CCDC17: variants seen among roughly 807,000 people sequenced by gnomAD.
The protein encoded by CCDC17 is coiled-coil domain-containing protein 17.
CCDC17 carries 79 observed loss-of-function variants against 68.0 expected under a neutral mutation model. The observed-to-expected ratio is 1.16, with a 90% CI of 0.97 to 1.40. CCDC17 has a LOEUF of 1.40. CCDC17 is among the 40% of genes most tolerant of loss of function. The pLI, the probability that CCDC17 is intolerant of heterozygous loss-of-function variation, is 0.00. For synonymous variants in CCDC17, 376 were observed against 337.5 expected (o/e 1.11, Z -1.25); for missense variants, 846 against 811.5 (o/e 1.04, Z -0.52).
At chr1:45,622,511 A>G (rs1466727747) in intron 6 of CCDC17, 38 bp downstream of exon 6, 3 of 1,542,088 alleles carry the variant, frequency 1.9e-6, no homozygotes, top group Non-Finnish European at 2.6e-6. Flanking sequence ...TTCTCCTCCC[A>G]GGACTGACCA....
chr1:45,623,195 C>A (rs1451840810), intron 3 of CCDC17, 22 bp downstream of exon 3: 2 of 1,541,374 alleles, frequency 1.3e-6, no homozygotes, highest in Non-Finnish European at 1.8e-6. Flanking sequence ...GGTCCTTGGT[C>A]CCCGTCCCCC....
rs1557680546 is a variant in CCDC17 at position 45,623,021 on chromosome 1, G to GC, written c.589dup (p.Ala197GlyfsTer106). The GC allele has an allele frequency of 6.2e-7, 1 of 1,612,848 alleles. No homozygotes were observed. Among genetic ancestry groups the GC allele is most frequent in the Non-Finnish European group, 8.5e-7 (1 of 1,179,410 alleles). On this transcript the variant is annotated frameshift_variant, in exon 4 of 13. Transcript: ENST00000528266. LOFTEE classifies it high-confidence loss of function. Reference sequence around the variant, plus strand: ...CTCTAGAGCTCCCCGCGTCCTCCCGGCCTCAGCTTGTAGTTCTCGAATCTC... The same window carrying GC: ...CTCTAGAGCTCCCCGCGTCCTCCCGGCCCTCAGCTTGTAGTTCTCGAATCTC...
In CCDC17 at chr1:45,621,364, G is replaced by A. The variant is rs751795710; in HGVS notation, c.1305C>T (p.Pro435=). 1 of 1,590,670 alleles carries A rather than the reference G, an allele frequency of 6.3e-7. No individual in the cohort carries two copies. The highest frequency in any genetic ancestry group is 1.1e-5 in the South Asian group (1 of 87,262). The change falls in exon 10 of 13, where the codon CCC becomes CCT. Residue 435 remains proline (P), a synonymous_variant. Coordinates refer to ENST00000528266, the MANE Select transcript of CCDC17 (RefSeq NM_001114938.3). ...GRDTGRTTAL[P]PALCLPPPPA... is the part of the protein sequence containing the mutation. ...GAGGTGGGGGCAGGCAAAGGGCTGG[G>A]GGCAACGCTGTGGTCCTTCCTGTAT... is the stretch of plus-strand genomic sequence containing the variant.
At position 45,623,273 on chromosome 1, in the gene CCDC17, G is replaced by C. The variant is rs1217644933; in HGVS notation, c.437C>G (p.Ala146Gly). ...CGCTTCCATCTCCGCCACGCGCCTC[G>C]CGCGAGTCCTGAACAGCGCCCGCAG... ...ERLRALFRTR[A>G]RRVAEMEAQS... Residue 146 changes from alanine (A) to glycine (G), a missense_variant, in exon 3 of 13, where the codon GCG becomes GGG. Ala to Gly is a moderately conservative substitution (Grantham distance 60, BLOSUM62 0). Transcript: ENST00000528266. The C allele has an allele frequency of 2.6e-6, 4 of 1,547,112 alleles. No homozygotes were observed. Among genetic ancestry groups the C allele is most frequent in the Non-Finnish European group, 3.5e-6 (4 of 1,146,612 alleles).
In CCDC17 at chr1:45,621,463, A is replaced by G; in HGVS notation, c.1206T>C (p.Tyr402=). The change falls in exon 10 of 13, where the codon TAT becomes TAC. Residue 402 remains tyrosine (Y), a synonymous_variant. Transcript: ENST00000528266. ...AAGCCTCAAGGCCCCGCAGGAAATCATAGAAAATGACCAGGCCAGCCCTGG... is the reference window on the plus strand; with the variant it reads ...AAGCCTCAAGGCCCCGCAGGAAATCGTAGAAAATGACCAGGCCAGCCCTGG... ...YDPGAGLVIF[Y]DFLRGLEASW... 1 of 1,590,622 alleles carries G rather than the reference A, an allele frequency of 6.3e-7. No homozygotes were observed. Among genetic ancestry groups the G allele is most frequent in the South Asian group, 1.1e-5 (1 of 87,290 alleles).
At position 45,620,246 on chromosome 1, in the gene CCDC17, C is replaced by G; in HGVS notation, c.*29G>C. The G allele has an allele frequency of 6.3e-7, 1 of 1,599,212 alleles. No homozygotes were observed. ...AATAGGCCCCAGTCCTGTGCATGTT[C>G]AGATGCTCATCTCCACATTCACTTG... On this transcript the variant is annotated 3_prime_UTR_variant, in exon 13 of 13. Coordinates refer to ENST00000528266, the MANE Select transcript of CCDC17 (RefSeq NM_001114938.3).
rs1644231060 is a variant in CCDC17, at chr1:45,620,938, T to A, written c.1564A>T (p.Ser522Cys). Residue 522 changes from serine (S) to cysteine (C), a missense_variant, in exon 11 of 13, where the codon AGC becomes TGC. Ser to Cys is a moderately radical substitution (Grantham distance 112). Coordinates refer to ENST00000528266, the MANE Select transcript of CCDC17 (RefSeq NM_001114938.3). ...LPLRALPLDPSLSLGQLNGIP... is the reference protein window; with the variant it reads ...LPLRALPLDPCLSLGQLNGIP... ...CCATTCAGCTGCCCAAGGCTAAGGC[T>A]GGGGTCCAGAGGAAGGGCCCGAAGT... is the stretch of plus-strand genomic sequence containing the variant. 1.2e-6 allele frequency: 2 copies of A among 1,613,894 alleles called. No individual in the cohort carries two copies. The highest frequency in any genetic ancestry group is 1.1e-5 in the South Asian group (1 of 91,056).
In CCDC17 at chr1:45,620,447, G is replaced by A. The variant is rs781047770; in HGVS notation, c.1711-14C>T. ...TGTGCTGGACACCTGTGGAACAGGA[G>A]AAGGCAGGTTTTGAGCAAAAATGTA... On this transcript the variant is annotated splice_polypyrimidine_tract_variant and intron_variant, in intron 12 of 12. Coordinates refer to ENST00000528266, the MANE Select transcript of CCDC17 (RefSeq NM_001114938.3). 6.5e-7 allele frequency: 1 copy of A among 1,546,112 alleles called. No homozygotes were observed. Among genetic ancestry groups the A allele is most frequent in the Non-Finnish European group, 8.7e-7 (1 of 1,149,056 alleles).
In CCDC17 at chr1:45,621,397, A is replaced by G. The variant is rs1644250591; in HGVS notation, c.1272T>C (p.Asp424=). Residue 424 remains aspartate, a synonymous_variant, in exon 10 of 13, where the codon GAT becomes GAC. Coordinates refer to ENST00000528266, the MANE Select transcript of CCDC17 (RefSeq NM_001114938.3). The part of the protein sequence containing the change: ...WVQLRTGLAR[D]GRDTGRTTAL... The stretch of plus-strand genomic sequence containing the variant: ...CTGTGGTCCTTCCTGTATCCCGTCC[A>G]TCGCGTGCCAAGCCAGTCCTTAGTT... 6.3e-7 allele frequency: 1 copy of G among 1,595,412 alleles called. No individual in the cohort carries two copies. The highest frequency in any genetic ancestry group is 1.3e-5 in the African/African-American group (1 of 74,444).
rs774658907 is a variant in CCDC17, at chr1:45,621,670, C to T, written c.1152G>A (p.Ser384=). 6.2e-6 allele frequency: 10 copies of T among 1,613,738 alleles called. No individual in the cohort carries two copies. Among genetic ancestry groups the T allele is most frequent in the Admixed American group, 1.7e-5 (1 of 59,974 alleles). The part of the protein sequence containing the change: ...GLDSHFLLPT[S]DMLGPAPYDP... ...CATAGGGTGCAGGGCCCAGCATGTC[C>T]GATGTGGGCAGGAGGAAGTGTGAGT... The change falls in exon 9 of 13, where the codon TCG becomes TCA. Residue 384 remains serine, a synonymous_variant. Transcript: ENST00000528266.
At position 45,622,825 on chromosome 1, in the gene CCDC17, C is replaced by A; in HGVS notation, c.666G>T (p.Leu222=). The A allele has an allele frequency of 6.3e-7, 1 of 1,597,958 alleles. No homozygotes were observed. The highest frequency in any genetic ancestry group is 8.5e-7 in the Non-Finnish European group (1 of 1,172,342). The change falls in exon 5 of 13, where the codon CTG becomes CTT. Residue 222 remains leucine (L), a synonymous_variant. Transcript: ENST00000528266. ...QELQAEPGNP[L]SSRREAELYS... ...AAAGTTCTGCCTCTCGCCGGGAGCT[C>A]AGCGGGTTCCTGGGGTGGCAGGCGA... is the stretch of plus-strand genomic sequence containing the variant.
At position 45,621,088 on chromosome 1, in the gene CCDC17, A is replaced by G. The variant is rs540010336; in HGVS notation, c.1414T>C (p.Leu472=). The G allele has an allele frequency of 1.9e-5, 31 of 1,613,778 alleles. No individual in the cohort carries two copies. In the African/African-American group the frequency reaches 2.3e-4, roughly 12 times the overall value. ...PRLPPSSSVS[L]VCELQVWQGL... Reference sequence around the variant, plus strand: ...TGCCAGACCTGCAGCTCACAGACCAAAGATACTGATGATGAGGGTGGTAGT... The same window carrying G: ...TGCCAGACCTGCAGCTCACAGACCAGAGATACTGATGATGAGGGTGGTAGT... The change falls in exon 11 of 13, where the codon TTG becomes CTG. Residue 472 remains leucine, a synonymous_variant. Coordinates refer to ENST00000528266, the MANE Select transcript of CCDC17 (RefSeq NM_001114938.3).
Position 45,621,400 on chromosome 1 carries a change from G to C in CCDC17, c.1269C>G (p.Arg423=). 1 of 1,595,346 alleles carries C rather than the reference G, an allele frequency of 6.3e-7. No homozygotes were observed. The highest frequency in any genetic ancestry group is 8.5e-7 in the Non-Finnish European group (1 of 1,171,602). ...TGGTCCTTCCTGTATCCCGTCCATCGCGTGCCAAGCCAGTCCTTAGTTGCA... is the reference window on the plus strand; with the variant it reads ...TGGTCCTTCCTGTATCCCGTCCATCCCGTGCCAAGCCAGTCCTTAGTTGCA... The part of the protein sequence containing the change: ...IWVQLRTGLA[R]DGRDTGRTTA... The change falls in exon 10 of 13, where the codon CGC becomes CGG. Residue 423 remains arginine, a synonymous_variant. Coordinates refer to ENST00000528266, the MANE Select transcript of CCDC17 (RefSeq NM_001114938.3).
chr1:45,621,316 G>A lies in CCDC17; in HGVS notation c.1353C>T (p.Asn451=), dbSNP rs773996948. 20 of 1,586,674 alleles carry A rather than the reference G, an allele frequency of 1.3e-5. No homozygotes were observed. The highest frequency in any genetic ancestry group is 5.8e-5 in the South Asian group (5 of 86,888). ...GCTGCCTGCTGGCAAGGATGGCACA[G>A]TTGCCCATGGGCCCGGGAGCAGGAG... The part of the protein sequence containing the change: ...PPPPAPGPMG[N]CAILASRQPV... The change falls in exon 10 of 13, where the codon AAC becomes AAT. Residue 451 remains asparagine, a synonymous_variant. Transcript: ENST00000528266.
intron 4 of CCDC17, 34 bp downstream of exon 4, chr1:45,622,921 G>T: frequency 1.5e-6 from 2 of 1,353,152 alleles, no homozygotes; most frequent in East Asian, 2.9e-5. Flanking sequence ...CCCCGGAGCC[G>T]CATGTTCCGG....
intron 12 of CCDC17, 47 bp from the exon 13 acceptor site, chr1:45,620,480 A>T: frequency 1.3e-6 from 2 of 1,494,882 alleles, no homozygotes; most frequent in Non-Finnish European, 8.9e-7. Context: ...GTAAAGGTTA[A>T]GCACACAGGT....
intron 12 of CCDC17, 63 bp downstream of exon 12, chr1:45,620,660 T>TA (rs781196378): frequency 6.4e-7 from 1 of 1,552,140 alleles, no homozygotes; most frequent in Admixed American, 2.0e-5. Context: ...GGCTGGCCGT[T>TA]AGCCATACCA....
At position 45,622,828 on chromosome 1, in the gene CCDC17, C is replaced by T. The variant is rs1175647796; in HGVS notation, c.663G>A (p.Pro221=). ...IQELQAEPGN[P]LSSRREAELY... ...GTTCTGCCTCTCGCCGGGAGCTCAG[C>T]GGGTTCCTGGGGTGGCAGGCGACGC... is the stretch of plus-strand genomic sequence containing the variant. Residue 221 remains proline (P), a synonymous_variant, in exon 5 of 13, where the codon CCG becomes CCA. Coordinates refer to ENST00000528266, the MANE Select transcript of CCDC17 (RefSeq NM_001114938.3). 6.3e-7 allele frequency: 1 copy of T among 1,597,306 alleles called. No individual in the cohort carries two copies. Among genetic ancestry groups the T allele is most frequent in the South Asian group, 1.1e-5 (1 of 88,252 alleles).
chr1:45,622,058 C>G (rs1030894902), intron 7 of CCDC17, 63 bp from the exon 8 acceptor site: 57 of 1,494,682 alleles, frequency 3.8e-5, no homozygotes, highest in Non-Finnish European at 5.1e-5. Flanking sequence ...CTGAGATACC[C>G]CTCCCCCAAG....
Sources: gnomAD v4.1 joint callset for allele counts on GRCh38, gnomAD v4.1.1 for gene constraint, MANE v1.5 for transcripts, NCBI Gene and HGNC (gene_info 2026-07-23, HGNC 2026-07-21) for gene names.